The following UNC13C variants were observed in gnomAD, a reference collection of about 807,000 sequenced individuals.
The protein encoded by UNC13C is unc-13 homolog C.
A neutral mutation model predicts 245.4 loss-of-function variants in UNC13C; 174 were observed. The observed-to-expected ratio is 0.71, with a 90% CI of 0.63 to 0.80. UNC13C has a LOEUF of 0.80. UNC13C is among the 30% of genes least tolerant of loss of function. UNC13C has a pLI of 0.00. For synonymous variants in UNC13C, 992 were observed against 895.1 expected (o/e 1.11, Z -1.93); for missense variants, 2,829 against 2,602.9 (o/e 1.09, Z -1.89).
At chr15:54,423,031 A>G (rs1343652874) in intron 19 of UNC13C, among the ~76,000 whole-genome samples, 1 of 151,848 alleles carries the variant, frequency 6.6e-6, no homozygotes, top group Non-Finnish European at 1.5e-5. Context: ...AAAGATAACA[A>G]ATTCTGAAAT....
the UNC13C span, among the ~76,000 whole-genome samples, chr15:53,862,634 A>T: frequency 6.6e-6 from 1 of 152,196 alleles, no homozygotes; most frequent in East Asian, 1.9e-4. Context: ...TAACTTATGC[A>T]TTCATCAAAA....
chr15:54,416,362 G>C (rs2040521230), intron 19 of UNC13C, among the ~76,000 whole-genome samples: 1 of 152,086 alleles, frequency 6.6e-6, no homozygotes, highest in Non-Finnish European at 1.5e-5. Flanking sequence ...GGAAAAAAAA[G>C]GTACTAGATA....
chr15:54,365,632 A>G (rs569606445), intron 17 of UNC13C, among the ~76,000 whole-genome samples: 3 of 152,030 alleles, frequency 2.0e-5, no homozygotes, highest in Non-Finnish European at 4.4e-5. Context: ...TTATGATTTT[A>G]TGTGTTAACT....
At position 54,014,032 on chromosome 15, in the gene UNC13C, A is replaced by G. The variant is rs1277045906; in HGVS notation, c.1129A>G (p.Ile377Val). The G allele has an allele frequency of 6.2e-7, 1 of 1,613,870 alleles. No homozygotes were observed. The highest frequency in any genetic ancestry group is 1.7e-5 in the Admixed American group (1 of 59,954). ...RDCPNAKPRP[I>V]LVYFETPQQR... is the part of the protein sequence containing the mutation. The stretch of plus-strand genomic sequence containing the variant: ...CTGCCCAAATGCAAAGCCTCGACCC[A>G]TACTTGTGTACTTTGAAACCCCTCA... Residue 377 changes from isoleucine to valine, a missense_variant, in exon 2 of 33, where the codon ATA (isoleucine) becomes GTA (valine). Coordinates refer to ENST00000260323, the MANE Select transcript of UNC13C (RefSeq NM_001080534.3).
intron 14 of UNC13C, among the ~76,000 whole-genome samples, chr15:54,329,540 A>G (rs1313738150): frequency 1.3e-5 from 2 of 152,016 alleles, no homozygotes; most frequent in Non-Finnish European, 2.9e-5. Flanking sequence ...TTTTTTAATC[A>G]CCCAGTCTTT....
chr15:53,887,202 T>C, the UNC13C span, among the ~76,000 whole-genome samples: 112 of 152,268 alleles, frequency 7.4e-4, 1 homozygote, highest in East Asian at 0.013. Context: ...TTATGGAAAC[T>C]GTCTGTACTA....
chr15:53,991,234 G>A (rs918009912), intron 1 of UNC13C, among the ~76,000 whole-genome samples: 1 of 152,008 alleles, frequency 6.6e-6, no homozygotes, highest in African/African-American at 2.4e-5. Flanking sequence ...TGTTGTGATA[G>A]GAATAGTAGA....
At chr15:54,482,850 A>G (rs140639819) in intron 19 of UNC13C, among the ~76,000 whole-genome samples, 193 of 152,358 alleles carry the variant, frequency 1.3e-3, no homozygotes, top group Middle Eastern at 3.4e-3. Flanking sequence ...TTCTTTAAAT[A>G]TGAACATAGT....
chr15:54,465,235 T>C (rs2141033053), intron 19 of UNC13C, among the ~76,000 whole-genome samples: 2 of 152,172 alleles, frequency 1.3e-5, no homozygotes, highest in Middle Eastern at 3.4e-3. Flanking sequence ...ATTCCACTTA[T>C]CTTCAGTTTA....
chr15:54,029,772 C>A (rs1011531626), intron 2 of UNC13C, among the ~76,000 whole-genome samples: 1 of 152,140 alleles, frequency 6.6e-6, no homozygotes, highest in African/African-American at 2.4e-5. Flanking sequence ...CAGAGGTTCC[C>A]GGGACCCTAT....
intron 2 of UNC13C, among the ~76,000 whole-genome samples, chr15:54,018,816 T>C (rs1895773358): frequency 6.6e-6 from 1 of 152,248 alleles, no homozygotes; most frequent in Non-Finnish European, 1.5e-5. Context: ...GTTGTCTTTT[T>C]TTTTAATCCT....
intron 2 of UNC13C, among the ~76,000 whole-genome samples, chr15:54,054,324 A>G (rs966318165): frequency 2.0e-5 from 3 of 152,080 alleles, no homozygotes; most frequent in Non-Finnish European, 4.4e-5. Context: ...GCTCTTGTCA[A>G]TCTCTCCCTC....
In UNC13C at chr15:54,015,419, C is replaced by G; in HGVS notation, c.2516C>G (p.Ser839Ter). The G allele has an allele frequency of 6.2e-7, 1 of 1,613,642 alleles. No individual in the cohort carries two copies. The highest frequency in any genetic ancestry group is 8.5e-7 in the Non-Finnish European group (1 of 1,179,802). ...LMGRFRTLSQSTANESSTTLD... is the reference protein window; with the variant it reads ...LMGRFRTLSQ ...GGGAGATTTCGGACATTATCTCAAT[C>G]AACTGCAAATGAGTCAAGTACCACA... The change falls in exon 2 of 33, where the codon TCA becomes TGA. Residue 839 changes from serine to a stop codon, truncating the protein, a stop_gained. Coordinates refer to ENST00000260323, the MANE Select transcript of UNC13C (RefSeq NM_001080534.3). LOFTEE classifies it high-confidence loss of function.
chr15:54,493,368 C>A (rs1168579861), intron 19 of UNC13C, among the ~76,000 whole-genome samples: 1 of 151,818 alleles, frequency 6.6e-6, no homozygotes, highest in Admixed American at 6.6e-5. Flanking sequence ...TGTTCCCCTC[C>A]CTCCCTTCCT....
chr15:53,862,150 G>A, the UNC13C span, among the ~76,000 whole-genome samples: 1 of 152,102 alleles, frequency 6.6e-6, no homozygotes, highest in Non-Finnish European at 1.5e-5. Flanking sequence ...TCTATTCCTG[G>A]CTTGTAGACA....
At chr15:54,413,049 A>G (rs2040446297) in intron 18 of UNC13C, among the ~76,000 whole-genome samples, 1 of 152,136 alleles carries the variant, frequency 6.6e-6, no homozygotes, top group South Asian at 2.1e-4. Context: ...TTTCTTCCAT[A>G]GTCTAACAAT....
At chr15:54,401,433 T>C (rs919378531) in intron 18 of UNC13C, among the ~76,000 whole-genome samples, 2 of 152,122 alleles carry the variant, frequency 1.3e-5, no homozygotes, top group Admixed American at 1.3e-4. Context: ...CGCAGCCTTA[T>C]GAGAAAAATT....
chr15:54,315,247 G>A (rs1278871322), intron 13 of UNC13C, among the ~76,000 whole-genome samples: 1 of 151,516 alleles, frequency 6.6e-6, no homozygotes, highest in Non-Finnish European at 1.5e-5. Flanking sequence ...TCATCCCCTG[G>A]TACCTCTTCA....
At chr15:54,134,677 G>A (rs34173034) in intron 2 of UNC13C, among the ~76,000 whole-genome samples, 28,973 of 151,558 alleles carry the variant, frequency 0.19, 2,927 homozygotes, top group South Asian at 0.28. Flanking sequence ...CAGCCACCAC[G>A]CCTGGCTAAT....
Sources: gnomAD v4.1 joint callset for allele counts (sites outside exome capture counted in the v4.1 genomes callset) on GRCh38, gnomAD v4.1.1 for gene constraint, MANE v1.5 for transcripts, NCBI Gene and HGNC (gene_info 2026-07-23, HGNC 2026-07-21) for gene names.